Variants in HS6ST3 observed in about 807,000 individuals in gnomAD.
The protein encoded by HS6ST3 is heparan sulfate 6-O-sulfotransferase 3.
In HS6ST3, 12 loss-of-function variants were observed where a neutral mutation model predicts 36.7. The ratio of observed to expected loss-of-function variants is 0.33; its 90% confidence interval spans 0.21 to 0.53. The LOEUF (loss-of-function observed/expected upper bound fraction) is 0.53. Ranked by LOEUF, HS6ST3 falls within the 20% of genes least tolerant of loss-of-function variation. HS6ST3 has a pLI of 0.95. For synonymous variants in HS6ST3, 240 were observed against 257.5 expected, an observed-to-expected ratio of 0.93 and a Z score of 0.65; for missense variants, 584 against 640.9, an observed-to-expected ratio of 0.91 and a Z score of 0.96.
intron 1 of HS6ST3, among the ~76,000 whole-genome samples, chr13:96,094,198 A>T (rs2053778897): frequency 6.6e-6 from 1 of 152,194 alleles, no homozygotes; most frequent in Non-Finnish European, 1.5e-5. Flanking sequence ...GATAATAATT[A>T]GTATGGCCAT....
At chr13:96,322,047 C>T (rs79960694) in intron 1 of HS6ST3, among the ~76,000 whole-genome samples, 206 of 152,200 alleles carry the variant, frequency 1.4e-3, no homozygotes, top group African/African-American at 4.5e-3. Context: ...TTCCCATCAT[C>T]TCCTCTATCC....
intron 1 of HS6ST3, among the ~76,000 whole-genome samples, chr13:96,555,732 C>G (rs1230248465): frequency 6.6e-6 from 1 of 151,716 alleles, no homozygotes; most frequent in Non-Finnish European, 1.5e-5. Flanking sequence ...ATTAGAAAAT[C>G]TATGATCTGT....
At chr13:96,219,343 C>T (rs887366591) in intron 1 of HS6ST3, among the ~76,000 whole-genome samples, 8 of 152,154 alleles carry the variant, frequency 5.3e-5, no homozygotes, top group Non-Finnish European at 5.9e-5. Context: ...TACTTAACAT[C>T]CACTCTCTTA....
chr13:96,629,316 C>T (rs999175773), intron 1 of HS6ST3, among the ~76,000 whole-genome samples: 4 of 152,120 alleles, frequency 2.6e-5, no homozygotes, highest in African/African-American at 9.7e-5. Flanking sequence ...TTGTATTTGT[C>T]ATATATGTGC....
intron 1 of HS6ST3, among the ~76,000 whole-genome samples, chr13:96,340,832 C>G (rs575117154): frequency 1.3e-5 from 2 of 152,180 alleles, no homozygotes; most frequent in Non-Finnish European, 2.9e-5. Flanking sequence ...CATCCTTAAA[C>G]CAATATTCAC....
At position 96,559,071 on chromosome 13, in the gene HS6ST3, A is replaced by AATCTATCT. The variant is rs3051060; in HGVS notation, c.708-273372_708-273365dup. Among the ~76,000 whole-genome samples the AATCTATCT allele has an allele frequency of 1.6e-3, 235 of 147,542 alleles. 1 individual carries two copies. Among genetic ancestry groups the AATCTATCT allele is most frequent in the East Asian group, 1.6e-3 (8 of 4,934 alleles). ...ACCAATTCTAAGTGAGAATCTATAT[A>AATCTATCT]ATCTATCTATCTATCTATCTATCTA... On this transcript the variant is annotated intron_variant, in intron 1 of 1. Coordinates refer to ENST00000376705, the MANE Select transcript of HS6ST3 (RefSeq NM_153456.4).
chr13:96,304,711 C>CTTTT (rs61314597), intron 1 of HS6ST3, among the ~76,000 whole-genome samples: 7 of 89,328 alleles, frequency 7.8e-5, no homozygotes, highest in Non-Finnish European at 1.1e-4. Flanking sequence ...TTCTTTCTTT[C>CTTTT]TTTTTTTTTT....
chr13:96,662,308 T>G (rs1318708707), intron 1 of HS6ST3, among the ~76,000 whole-genome samples: 1 of 152,160 alleles, frequency 6.6e-6, no homozygotes, highest in East Asian at 1.9e-4. Flanking sequence ...TAGTTCTATT[T>G]TTTTATTCAA....
chr13:96,369,612 C>CT (rs1230224619), intron 1 of HS6ST3, among the ~76,000 whole-genome samples: 3 of 152,168 alleles, frequency 2.0e-5, no homozygotes, highest in African/African-American at 7.2e-5. Context: ...TCACTGGCCT[C>CT]TGTCACCTGA....
At chr13:96,102,581 T>A (rs1392444620) in intron 1 of HS6ST3, among the ~76,000 whole-genome samples, 1 of 152,248 alleles carries the variant, frequency 6.6e-6, no homozygotes, top group Non-Finnish European at 1.5e-5. Context: ...ATAATTTCTT[T>A]GCTTTGAAGG....
At chr13:96,459,953 A>G (rs1312616543) in intron 1 of HS6ST3, among the ~76,000 whole-genome samples, 1 of 152,180 alleles carries the variant, frequency 6.6e-6, no homozygotes, top group Non-Finnish European at 1.5e-5. Context: ...TTGAAAGGTT[A>G]TTTGCTTGAT....
chr13:96,124,205 A>G (rs571616762), intron 1 of HS6ST3, among the ~76,000 whole-genome samples: 8 of 152,252 alleles, frequency 5.3e-5, no homozygotes, highest in Admixed American at 2.6e-4. Context: ...CTTGATGGCA[A>G]TTTCTAGCCT....
intron 1 of HS6ST3, among the ~76,000 whole-genome samples, chr13:96,784,758 C>A (rs1428182368): frequency 6.6e-6 from 1 of 152,120 alleles, no homozygotes; most frequent in South Asian, 2.1e-4. Flanking sequence ...TACCTTCTGC[C>A]AAGCCCTTCC....
In HS6ST3 at chr13:96,834,075, C is replaced by G. The variant is rs1052920667; in HGVS notation, c.*877C>G. ...TCAATATATGCCTAACATTTCTAAACTGGCCACATAACCTTAGATTTTTAA... is the reference window on the plus strand; with the variant it reads ...TCAATATATGCCTAACATTTCTAAAGTGGCCACATAACCTTAGATTTTTAA... On this transcript the variant is annotated 3_prime_UTR_variant, in exon 2 of 2. Transcript: ENST00000376705. The G allele has an allele frequency of 6.6e-6, 1 of 152,196 alleles. No homozygotes were observed. Among genetic ancestry groups the G allele is most frequent in the African/African-American group, 2.4e-5 (1 of 41,442 alleles). 9.4% of individuals were successfully genotyped at this position (152,196 alleles called of 1,614,324 possible). A position where few individuals can be genotyped will look rare whatever the true frequency, so the allele number is the denominator to read the frequency against.
At chr13:96,509,000 T>C (rs975519812) in intron 1 of HS6ST3, among the ~76,000 whole-genome samples, 3 of 152,136 alleles carry the variant, frequency 2.0e-5, no homozygotes, top group African/African-American at 7.2e-5. Flanking sequence ...TCTCCCTGCA[T>C]CCAGGGCAAC....
At chr13:96,272,649 A>G (rs2054726885) in intron 1 of HS6ST3, among the ~76,000 whole-genome samples, 1 of 152,040 alleles carries the variant, frequency 6.6e-6, no homozygotes, top group African/African-American at 2.4e-5. Flanking sequence ...GCTTTATATT[A>G]GGGTTTTTTG....
intron 1 of HS6ST3, among the ~76,000 whole-genome samples, chr13:96,576,943 CAAAAA>C (rs1157924077): frequency 0.12 from 2,994 of 25,782 alleles, 12 homozygotes; most frequent in Non-Finnish European, 0.19. Flanking sequence ...GACTCTGTCT[CAAAAA>C]AAAAAAAAAA....
At chr13:96,376,413 A>G (rs1179014646) in intron 1 of HS6ST3, among the ~76,000 whole-genome samples, 2 of 152,172 alleles carry the variant, frequency 1.3e-5, no homozygotes, top group South Asian at 2.1e-4. Context: ...GTCAGACTGC[A>G]AAGTGATTCA....
At chr13:96,531,391 TTTTA>T (rs147924911) in intron 1 of HS6ST3, among the ~76,000 whole-genome samples, 2,686 of 152,310 alleles carry the variant, frequency 0.018, 81 homozygotes, top group African/African-American at 0.06. Flanking sequence ...CTGTGGAAGA[TTTTA>T]TTTATTTCCA....
Sources: allele counts gnomAD v4.1 joint callset (sites outside exome capture counted in the v4.1 genomes callset), GRCh38; gene constraint gnomAD v4.1.1; transcripts MANE v1.5; gene names NCBI Gene and HGNC (gene_info 2026-07-23, HGNC 2026-07-21).